ZNF583: variants seen among roughly 807,000 people sequenced by gnomAD.
ZNF583 encodes the protein zinc finger protein L3-5.
Under a neutral mutation model 55.3 loss-of-function variants are expected in ZNF583, and 30 were observed. That is an observed-to-expected ratio of 0.54 (90% CI 0.41 to 0.74). The LOEUF is 0.74. ZNF583 is among the 30% of genes least tolerant of loss of function. ZNF583 has a pLI of 0.00. For synonymous variants in ZNF583, 208 were observed against 220.0 expected, an observed-to-expected ratio of 0.95 and a Z score of 0.48; for missense variants, 504 against 664.7, an observed-to-expected ratio of 0.76 and a Z score of 2.66.
rs1186134215 is a variant in ZNF583, at chr19:56,425,796, G to A, written c.*1428G>A. The A allele has an allele frequency of 1.3e-5, 2 of 152,264 alleles. No individual in the cohort carries two copies. Among genetic ancestry groups the A allele is most frequent in the Admixed American group, 1.3e-4 (2 of 15,292 alleles). The allele number at this position is 152,264 out of a possible 1,614,324, so 9.4% of individuals were successfully genotyped here. A position where few individuals can be genotyped will look rare whatever the true frequency, so the allele number is the denominator to read the frequency against. Reference sequence around the variant, plus strand: ...TTCTCATAAACTGGCCCACAAACATGTTTGATTCTGTATGCATTAAGTTTA... The same window carrying A: ...TTCTCATAAACTGGCCCACAAACATATTTGATTCTGTATGCATTAAGTTTA... On this transcript the variant is annotated 3_prime_UTR_variant, in exon 5 of 5. Transcript: ENST00000333201.
chr19:56,415,807 C>CT (rs2042312316), intron 4 of ZNF583, among the ~76,000 whole-genome samples: 3 of 151,992 alleles, frequency 2.0e-5, no homozygotes, highest in Admixed American at 2.0e-4. Context: ...CTCAAATGAT[C>CT]TGCCCACCTG....
intron 4 of ZNF583, 169 bp downstream of exon 4, chr19:56,414,609 C>G (rs2042290073): frequency 1.7e-6 from 1 of 600,950 alleles, no homozygotes; most frequent in Non-Finnish European, 2.9e-6. Flanking sequence ...TTTGTTCTCT[C>G]TGTCTATATT....
At chr19:56,419,298 C>T (rs931942282) in intron 4 of ZNF583, among the ~76,000 whole-genome samples, 12 of 151,156 alleles carry the variant, frequency 7.9e-5, no homozygotes, top group East Asian at 5.9e-4. Flanking sequence ...CGGGTTCAAG[C>T]GATTCTCCTG....
chr19:56,420,778 A>G (rs1476220343), intron 4 of ZNF583, among the ~76,000 whole-genome samples: 1 of 152,070 alleles, frequency 6.6e-6, no homozygotes, highest in African/African-American at 2.4e-5. Flanking sequence ...ATGTATTCTT[A>G]TATGTAATGT....
intron 4 of ZNF583, among the ~76,000 whole-genome samples, chr19:56,415,576 T>A (rs2042307963): frequency 2.6e-5 from 4 of 152,168 alleles, no homozygotes; most frequent in African/African-American, 9.7e-5. Flanking sequence ...TGTCTTTGGT[T>A]AATATATATA....
In ZNF583 at chr19:56,407,045, T is replaced by C; in HGVS notation, c.-70T>C. The C allele has an allele frequency of 1.2e-5, 19 of 1,587,312 alleles. No individual in the cohort carries two copies. The highest frequency in any genetic ancestry group is 1.6e-5 in the Non-Finnish European group (19 of 1,158,984). ...CTCCAGCTCGACTTTCTCAGGATAC[T>C]GTCCCTCTCCCACAGAGGAGCTGAA... On this transcript the variant is annotated 5_prime_UTR_variant, in exon 2 of 5. Coordinates refer to ENST00000333201, the MANE Select transcript of ZNF583 (RefSeq NM_152478.3).
rs754959047 is a variant in ZNF583, at chr19:56,422,940, A to G, written c.282A>G (p.Thr94=). The change falls in exon 5 of 5, where the codon ACA becomes ACG. Residue 94 remains threonine (T), a synonymous_variant. Coordinates refer to ENST00000333201, the MANE Select transcript of ZNF583 (RefSeq NM_152478.3). ...GTGAATTTTCATCAAAGCAAGAGAC[A>G]TATGAAGAATCATCCAAAGTTGTGA... ...KNSEFSSKQE[T]YEESSKVVTV... The G allele has an allele frequency of 6.2e-7, 1 of 1,613,132 alleles. No individual in the cohort carries two copies. The highest frequency in any genetic ancestry group is 2.2e-5 in the East Asian group (1 of 44,842).
intron 3 of ZNF583, 34 bp downstream of exon 3, chr19:56,414,119 C>A (rs2042280112): frequency 1.3e-6 from 2 of 1,561,286 alleles, no homozygotes; most frequent in East Asian, 4.5e-5. Flanking sequence ...AGAATCTGTA[C>A]ATGGGACTGA....
intron 4 of ZNF583, chr19:56,421,561 CATT>C (rs1198217408): frequency 1.1e-6 from 1 of 909,028 alleles, no homozygotes; most frequent in African/African-American, 1.8e-5. Context: ...TTCCAAATAT[CATT>C]ATCCACTGTA....
intron 4 of ZNF583, chr19:56,421,623 C>T (rs555348575): frequency 2.2e-6 from 1 of 446,000 alleles, no homozygotes; most frequent in East Asian, 1.6e-4. Flanking sequence ...ACATTTACCC[C>T]ATTCATGCAA....
At chr19:56,411,416 A>G (rs1451793013) in intron 2 of ZNF583, among the ~76,000 whole-genome samples, 3 of 152,260 alleles carry the variant, frequency 2.0e-5, no homozygotes, top group Non-Finnish European at 4.4e-5. Flanking sequence ...ATATAAAAAA[A>G]TGTACAAGGT....
chr19:56,406,042 G>C (rs2042142064), intron 1 of ZNF583, among the ~76,000 whole-genome samples: 1 of 152,206 alleles, frequency 6.6e-6, no homozygotes, highest in Admixed American at 6.5e-5. Flanking sequence ...AGGGGGTTTG[G>C]ATGACTGTTC....
chr19:56,411,241 T>C lies in ZNF583; in HGVS notation c.10-2718T>C, dbSNP rs976148794. On this transcript the variant is annotated intron_variant, in intron 2 of 4. Coordinates refer to ENST00000333201, the MANE Select transcript of ZNF583 (RefSeq NM_152478.3). ...GACAGGTTGAGACTGCAATCAGCCA[T>C]GATTGTGACACTGTACTCCAGCCTT... Among the ~76,000 whole-genome samples, 3 of 151,660 alleles carry C rather than the reference T, an allele frequency of 2.0e-5. 1 individual carries two copies. The South Asian group carries it at 6.2e-4, about 32-fold the overall frequency.
At chr19:56,409,902 T>G (rs1328532603) in intron 2 of ZNF583, among the ~76,000 whole-genome samples, 40 of 152,126 alleles carry the variant, frequency 2.6e-4, no homozygotes, top group Non-Finnish European at 1.5e-5. Flanking sequence ...TTTTCCTTAT[T>G]ATTTTAGTAA....
chr19:56,414,470 G>A (rs2042287492), intron 4 of ZNF583, 30 bp downstream of exon 4: 1 of 1,581,770 alleles, frequency 6.3e-7, no homozygotes, highest in Non-Finnish European at 8.6e-7. Context: ...GGAGACAGAA[G>A]CCATTGCCAG....
rs1443896156 is a variant in ZNF583 at position 56,413,808 on chromosome 19, G to A, written c.10-151G>A. On this transcript the variant is annotated intron_variant, in intron 2 of 4. Coordinates refer to ENST00000333201, the MANE Select transcript of ZNF583 (RefSeq NM_152478.3). ...CAAAGAAGTCATTTAGCAATTACCT[G>A]ACATGTGTTGCTCAGAACCTAAGAT... is the stretch of plus-strand genomic sequence containing the variant. 3 of 935,062 alleles carry A rather than the reference G, an allele frequency of 3.2e-6. No individual in the cohort carries two copies. The East Asian group carries it at 7.9e-5, about 25-fold the overall frequency. 57.9% of individuals were successfully genotyped at this position (935,062 alleles called of 1,614,324 possible). A position where few individuals can be genotyped will look rare whatever the true frequency, so the allele number is the denominator to read the frequency against.
chr19:56,409,964 T>C (rs558571225), intron 2 of ZNF583, among the ~76,000 whole-genome samples: 1 of 152,296 alleles, frequency 6.6e-6, no homozygotes, highest in Admixed American at 6.5e-5. Context: ...ATAATATTCA[T>C]CCATTACTCA....
rs1056066327 is a variant in ZNF583 at position 56,423,287 on chromosome 19, A to C, written c.629A>C (p.Lys210Thr). ...MKHRKVYVEK[K>T]LLKCNDCEKV... The stretch of plus-strand genomic sequence containing the variant: ...CATAGGAAAGTCTATGTAGAAAAGA[A>C]ACTTTTGAAATGTAATGATTGTGAG... The change falls in exon 5 of 5, where the codon AAA (lysine) becomes ACA (threonine). Residue 210 changes from lysine (K) to threonine (T), a missense_variant. By Grantham distance (78) the Lys-to-Thr change is moderately conservative (BLOSUM62 -1). Coordinates refer to ENST00000333201, the MANE Select transcript of ZNF583 (RefSeq NM_152478.3). The C allele has an allele frequency of 1.2e-6, 2 of 1,608,488 alleles. No homozygotes were observed. The highest frequency in any genetic ancestry group is 1.7e-6 in the Non-Finnish European group (2 of 1,178,646).
chr19:56,420,292 C>A (rs188113064), intron 4 of ZNF583, among the ~76,000 whole-genome samples: 2 of 152,140 alleles, frequency 1.3e-5, no homozygotes, highest in African/African-American at 4.8e-5. Flanking sequence ...AGAGCATACT[C>A]ATCTTGGTTT....
Sources: allele counts gnomAD v4.1 joint callset (sites outside exome capture counted in the v4.1 genomes callset), GRCh38; gene constraint gnomAD v4.1.1; transcripts MANE v1.5; gene names NCBI Gene and HGNC (gene_info 2026-07-23, HGNC 2026-07-21).